The following RAB38 variants were observed in gnomAD, a reference collection of about 807,000 sequenced individuals.
The protein encoded by RAB38 is ras-related protein Rab-38.
A neutral mutation model predicts 18.4 loss-of-function variants in RAB38; 15 were observed. The observed-to-expected ratio is 0.82, with a 90% CI of 0.55 to 1.26. The LOEUF (loss-of-function observed/expected upper bound fraction) is 1.26, where lower values mean the gene tolerates loss of function less well. Ranked by LOEUF, RAB38 falls within the 50% of genes most tolerant of loss-of-function variation. RAB38 has a pLI of 0.00. For synonymous variants in RAB38, 101 were observed against 104.4 expected (o/e 0.97, Z 0.20); for missense variants, 294 against 267.4 (o/e 1.10, Z -0.69).
chr11:87,955,559 T>C, the RAB38 span, among the ~76,000 whole-genome samples: 1 of 152,140 alleles, frequency 6.6e-6, no homozygotes, highest in South Asian at 2.1e-4. Context: ...TCCTATAGAC[T>C]CTTTTGTTTA....
intron 1 of RAB38, among the ~76,000 whole-genome samples, chr11:88,162,914 C>A (rs570807126): frequency 6.6e-6 from 1 of 152,208 alleles, no homozygotes; most frequent in South Asian, 2.1e-4. Flanking sequence ...CACTGAAAGA[C>A]GTCCTCTCCA....
chr11:88,081,688 C>T, the RAB38 span, among the ~76,000 whole-genome samples: 2 of 151,838 alleles, frequency 1.3e-5, no homozygotes, highest in African/African-American at 2.4e-5. Context: ...ACTCACAACC[C>T]GCCCTAATTC....
At chr11:87,943,487 GC>G in the RAB38 span, among the ~76,000 whole-genome samples, 3 of 152,110 alleles carry the variant, frequency 2.0e-5, no homozygotes, top group African/African-American at 7.2e-5. Flanking sequence ...TCTGCAAGAT[GC>G]CGTGGTTTTG....
At chr11:87,940,304 T>C in the RAB38 span, among the ~76,000 whole-genome samples, 248 of 152,238 alleles carry the variant, frequency 1.6e-3, no homozygotes, top group Non-Finnish European at 2.4e-3. Flanking sequence ...TAGTTTACCT[T>C]ATATGAAGAA....
At chr11:87,948,790 T>G in the RAB38 span, among the ~76,000 whole-genome samples, 1 of 151,328 alleles carries the variant, frequency 6.6e-6, no homozygotes, top group Admixed American at 6.6e-5. Flanking sequence ...GGATTCGGTT[T>G]GCCAGTATTT....
the RAB38 span, among the ~76,000 whole-genome samples, chr11:87,973,746 G>T: frequency 6.9e-6 from 1 of 144,650 alleles, no homozygotes; most frequent in African/African-American, 2.5e-5. Context: ...CTGATGCAGG[G>T]CAGAGACCTA....
the RAB38 span, among the ~76,000 whole-genome samples, chr11:87,886,259 G>A: frequency 6.6e-6 from 1 of 151,830 alleles, no homozygotes; most frequent in African/African-American, 2.4e-5. Context: ...CCCATGACCT[G>A]GTGTTGGGTT....
intron 2 of RAB38, among the ~76,000 whole-genome samples, chr11:88,139,212 T>C (rs1942875369): frequency 1.3e-5 from 2 of 152,164 alleles, no homozygotes; most frequent in Admixed American, 6.5e-5. Flanking sequence ...GAGAAGCTTG[T>C]TTTTGCTTTC....
the RAB38 span, among the ~76,000 whole-genome samples, chr11:87,904,705 T>TG: frequency 1.5e-5 from 2 of 132,084 alleles, no homozygotes; most frequent in African/African-American, 3.6e-5. Context: ...TCCAACAGTG[T>TG]ATAAGTGTTC....
the RAB38 span, among the ~76,000 whole-genome samples, chr11:88,029,650 T>C: frequency 6.6e-6 from 1 of 151,980 alleles, no homozygotes; most frequent in Admixed American, 6.6e-5. Flanking sequence ...TACATAATGG[T>C]AAAGGCATCA....
chr11:87,848,471 G>A, the RAB38 span, among the ~76,000 whole-genome samples: 3 of 152,096 alleles, frequency 2.0e-5, no homozygotes, highest in South Asian at 4.2e-4. Flanking sequence ...CTAATTAAGT[G>A]ATGTCTCAAA....
At chr11:87,964,568 G>A in the RAB38 span, among the ~76,000 whole-genome samples, 1 of 152,010 alleles carries the variant, frequency 6.6e-6, no homozygotes, top group African/African-American at 2.4e-5. Context: ...TTGTAAATAG[G>A]TATAAATAGA....
At chr11:87,948,961 A>G in the RAB38 span, among the ~76,000 whole-genome samples, 2 of 152,094 alleles carry the variant, frequency 1.3e-5, no homozygotes, top group African/African-American at 4.8e-5. Flanking sequence ...CTCAGAAGGA[A>G]TGGTACCAGC....
chr11:87,921,678 G>A, the RAB38 span, among the ~76,000 whole-genome samples: 1 of 151,068 alleles, frequency 6.6e-6, no homozygotes, highest in East Asian at 1.9e-4. Context: ...TGAGCTTAGA[G>A]ATTGGTATTA....
the RAB38 span, among the ~76,000 whole-genome samples, chr11:87,950,492 A>T: frequency 2.0e-5 from 3 of 152,186 alleles, no homozygotes; most frequent in African/African-American, 7.2e-5. Flanking sequence ...AATGGTCTTT[A>T]CAATTTGGCA....
chr11:88,053,462 A>AAT, the RAB38 span, among the ~76,000 whole-genome samples: 14 of 139,326 alleles, frequency 1.0e-4, 1 homozygote, highest in African/African-American at 3.7e-4. Flanking sequence ...ATATATATGG[A>AAT]ATATATATAT....
downstream of RAB38, among the ~76,000 whole-genome samples, chr11:88,109,854 A>G (rs570881260): frequency 2.0e-5 from 3 of 152,362 alleles, no homozygotes; most frequent in Admixed American, 2.0e-4. Flanking sequence ...TGATCATTAA[A>G]AATTCAGGAA....
At chr11:87,847,856 C>A in the RAB38 span, among the ~76,000 whole-genome samples, 3 of 152,118 alleles carry the variant, frequency 2.0e-5, no homozygotes, top group East Asian at 5.8e-4. Context: ...CTGGGCCAAA[C>A]ATGTCTATAG....
chr11:88,045,595 G>C, the RAB38 span, among the ~76,000 whole-genome samples: 4 of 152,280 alleles, frequency 2.6e-5, no homozygotes, highest in South Asian at 8.3e-4. Flanking sequence ...CACTCCCAGA[G>C]CCCCTGGAAC....
Sources: gnomAD v4.1 joint callset for allele counts (sites outside exome capture counted in the v4.1 genomes callset) on GRCh38, gnomAD v4.1.1 for gene constraint, MANE v1.5 for transcripts, NCBI Gene and HGNC (gene_info 2026-07-23, HGNC 2026-07-21) for gene names.